The following KCNIP4 variants were observed in gnomAD, a reference collection of about 807,000 sequenced individuals.
KCNIP4 encodes the protein Kv channel-interacting protein 4.
Under a neutral mutation model 34.0 loss-of-function variants are expected in KCNIP4, and 12 were observed. That is an observed-to-expected ratio of 0.35 (90% confidence interval 0.23 to 0.57). The LOEUF is 0.57. KCNIP4 is among the 20% of genes least tolerant of loss of function. KCNIP4 has a pLI of 0.83. For synonymous variants in KCNIP4, 124 were observed against 102.2 expected (o/e 1.21, Z -1.29); for missense variants, 238 against 311.7 (o/e 0.76, Z 1.78).
chr4:21,632,565 C>T lies in KCNIP4; in HGVS notation c.61+316006G>A, dbSNP rs11935160. 2.4e-3 allele frequency among the ~76,000 whole-genome samples: 358 copies of T among 152,018 alleles called. 2 individuals are homozygous for T. The highest frequency in any genetic ancestry group is 8.3e-3 in the African/African-American group (343 of 41,488). The stretch of plus-strand genomic sequence containing the variant: ...AATAACCTCCTCTTTGCCTTTCATG[C>T]AATTGCTCTTATTGAAAGTAAATAG... On this transcript the variant is annotated intron_variant, in intron 1 of 8. Coordinates refer to ENST00000382152, the MANE Select transcript of KCNIP4 (RefSeq NM_025221.6).
intron 1 of KCNIP4, among the ~76,000 whole-genome samples, chr4:21,105,953 A>T (rs1748484479): frequency 1.3e-5 from 2 of 151,338 alleles, no homozygotes; most frequent in Non-Finnish European, 2.9e-5. Context: ...AGCCCACTTG[A>T]TCATGGTGGA....
intron 1 of KCNIP4, among the ~76,000 whole-genome samples, chr4:21,368,833 T>C (rs773775066): frequency 6.8e-6 from 1 of 147,548 alleles, no homozygotes; most frequent in Non-Finnish European, 1.5e-5. Context: ...TGCTAACACA[T>C]TGCAGCACAA....
At chr4:20,968,810 G>T (rs1349043532) in intron 1 of KCNIP4, among the ~76,000 whole-genome samples, 2 of 151,850 alleles carry the variant, frequency 1.3e-5, no homozygotes, top group African/African-American at 4.8e-5. Flanking sequence ...ATAGTATTAG[G>T]ATAAATATCT....
chr4:21,683,530 A>G (rs1750564467), intron 1 of KCNIP4, among the ~76,000 whole-genome samples: 1 of 115,736 alleles, frequency 8.6e-6, no homozygotes, highest in Non-Finnish European at 1.6e-5. Flanking sequence ...GTGCAGTGGC[A>G]TGGTCTCAGC....
At chr4:21,504,520 A>AAGAAAGC (rs1560467143) in intron 1 of KCNIP4, among the ~76,000 whole-genome samples, 2 of 144,454 alleles carry the variant, frequency 1.4e-5, no homozygotes, top group Non-Finnish European at 3.0e-5. Context: ...AGGAAGGAAG[A>AAGAAAGC]AAGCAAGCAA....
chr4:21,668,157 C>A (rs966948204), intron 1 of KCNIP4, among the ~76,000 whole-genome samples: 67 of 152,250 alleles, frequency 4.4e-4, no homozygotes, highest in Non-Finnish European at 7.1e-4. Flanking sequence ...CGCATGTTCT[C>A]ACTCATAAGT....
chr4:21,117,306 G>T (rs112144327), intron 1 of KCNIP4, among the ~76,000 whole-genome samples: 9 of 43,390 alleles, frequency 2.1e-4, no homozygotes, highest in East Asian at 4.7e-4. Context: ...TTGCCGGGGG[G>T]GGGGGGGGGG....
At chr4:21,610,202 C>A (rs1744039381) in intron 1 of KCNIP4, among the ~76,000 whole-genome samples, 2 of 152,220 alleles carry the variant, frequency 1.3e-5, no homozygotes, top group South Asian at 2.1e-4. Flanking sequence ...GATAAACCAG[C>A]AGAAATTTAT....
At chr4:20,957,601 T>C (rs1733443136) in intron 1 of KCNIP4, among the ~76,000 whole-genome samples, 1 of 136,772 alleles carries the variant, frequency 7.3e-6, no homozygotes, top group Admixed American at 7.5e-5. Context: ...ACCAACCATA[T>C]GACTTGGAAC....
intron 1 of KCNIP4, among the ~76,000 whole-genome samples, chr4:21,455,830 T>TGG: frequency 8.9e-6 from 1 of 112,782 alleles, no homozygotes; most frequent in Non-Finnish European, 1.7e-5. Context: ...TATATATATA[T>TGG]ATATATATAT....
At chr4:20,932,462 A>G (rs1313424488) in intron 1 of KCNIP4, among the ~76,000 whole-genome samples, 2 of 128,336 alleles carry the variant, frequency 1.6e-5, no homozygotes, top group Non-Finnish European at 3.2e-5. Context: ...CTAATATTGT[A>G]GACTATAATA....
At chr4:20,907,804 G>A (rs1488920158) in intron 1 of KCNIP4, among the ~76,000 whole-genome samples, 2 of 151,932 alleles carry the variant, frequency 1.3e-5, no homozygotes, top group Non-Finnish European at 2.9e-5. Flanking sequence ...TGCAAGCTCC[G>A]CCTCCCGGGT....
chr4:20,986,094 G>A (rs11939454), intron 1 of KCNIP4, among the ~76,000 whole-genome samples: 66,084 of 151,934 alleles, frequency 0.43, 15,074 homozygotes, highest in African/African-American at 0.56. Context: ...GGGTTATGAC[G>A]GAAGTTCCAA....
intron 1 of KCNIP4, among the ~76,000 whole-genome samples, chr4:21,644,047 C>T (rs1200396612): frequency 6.0e-5 from 9 of 150,534 alleles, no homozygotes; most frequent in Admixed American, 6.0e-4. Flanking sequence ...GAAAAGCCTT[C>T]TAAGTTGTGT....
intron 3 of KCNIP4, among the ~76,000 whole-genome samples, chr4:20,845,683 T>A (rs1720282911): frequency 6.6e-6 from 1 of 152,180 alleles, no homozygotes. Flanking sequence ...GACCCTCCGT[T>A]GTTGGCTTTG....
intron 1 of KCNIP4, among the ~76,000 whole-genome samples, chr4:21,637,795 A>G (rs1746321236): frequency 6.6e-6 from 1 of 151,950 alleles, no homozygotes; most frequent in East Asian, 1.9e-4. Context: ...AAAAAAAAAA[A>G]AAAAAAAAAG....
chr4:21,453,545 C>A (rs1363463957), intron 1 of KCNIP4, among the ~76,000 whole-genome samples: 1 of 151,954 alleles, frequency 6.6e-6, no homozygotes, highest in African/African-American at 2.4e-5. Context: ...CTTCCTGGAG[C>A]CCTTCTTCAT....
intron 3 of KCNIP4, among the ~76,000 whole-genome samples, chr4:20,779,858 A>G (rs893011731): frequency 2.6e-5 from 4 of 151,974 alleles, no homozygotes; most frequent in African/African-American, 9.7e-5. Context: ...GAGGAAGGAA[A>G]AGATTCTCCC....
intron 1 of KCNIP4, among the ~76,000 whole-genome samples, chr4:21,684,238 T>G (rs1346807305): frequency 6.6e-6 from 1 of 152,218 alleles, no homozygotes; most frequent in Non-Finnish European, 1.5e-5. Context: ...CTTATGCGTT[T>G]TAGAAGCTGG....
Sources: gnomAD v4.1 joint callset for allele counts (sites outside exome capture counted in the v4.1 genomes callset) on GRCh38, gnomAD v4.1.1 for gene constraint, MANE v1.5 for transcripts, NCBI Gene and HGNC (gene_info 2026-07-23, HGNC 2026-07-21) for gene names.